ESRRB: variants seen among roughly 807,000 people sequenced by gnomAD.
ESRRB encodes steroid hormone receptor ERR2.
Under a neutral mutation model 46.0 loss-of-function variants are expected in ESRRB, and 16 were observed. The observed-to-expected ratio is 0.35, with a 90% CI of 0.24 to 0.53. ESRRB has a LOEUF of 0.53. ESRRB is among the 20% of genes least tolerant of loss of function. ESRRB has a pLI of 0.93. For missense variants in ESRRB, 488 were observed against 607.4 expected (o/e 0.80, Z 2.07); for synonymous variants, 246 against 259.6 (o/e 0.95, Z 0.50).
At chr14:76,441,832 C>A (rs1399888291) in intron 2 of ESRRB, among the ~76,000 whole-genome samples, 3 of 152,212 alleles carry the variant, frequency 2.0e-5, no homozygotes, top group Non-Finnish European at 4.4e-5. Context: ...CCAGGAACCA[C>A]CCATCCTGCC....
chr14:76,446,940 T>G (rs1888171614), intron 2 of ESRRB, among the ~76,000 whole-genome samples: 2 of 152,170 alleles, frequency 1.3e-5, no homozygotes, highest in African/African-American at 4.8e-5. Flanking sequence ...AAAACCTTTG[T>G]AATAACCTTG....
At chr14:76,315,535 T>TG (rs1441538737) in intron 1 of ESRRB, among the ~76,000 whole-genome samples, 2 of 152,102 alleles carry the variant, frequency 1.3e-5, no homozygotes, top group African/African-American at 4.8e-5. Flanking sequence ...ATCTGCAAAA[T>TG]GGGGATAACA....
intron 1 of ESRRB, chr14:76,407,433 C>T: frequency 5.5e-6 from 3 of 547,408 alleles, no homozygotes; most frequent in Non-Finnish European, 4.6e-6. Context: ...GAAGAGCCTG[C>T]ATCGAGCAGA....
At chr14:76,348,349 C>A (rs1884273728) in intron 1 of ESRRB, among the ~76,000 whole-genome samples, 1 of 152,172 alleles carries the variant, frequency 6.6e-6, no homozygotes. Context: ...GCTGTACTTA[C>A]AGGACAACAG....
chr14:76,365,547 G>C (rs561628504), intron 1 of ESRRB, among the ~76,000 whole-genome samples: 2 of 152,320 alleles, frequency 1.3e-5, no homozygotes, highest in South Asian at 4.1e-4. Flanking sequence ...GGGGTATGTA[G>C]TACTTCAGGG....
chr14:76,382,119 C>T (rs1885039018), intron 1 of ESRRB, among the ~76,000 whole-genome samples: 1 of 152,174 alleles, frequency 6.6e-6, no homozygotes, highest in Non-Finnish European at 1.5e-5. Context: ...AAGCCGTGTC[C>T]ACCCCAAGAG....
chr14:76,446,085 C>A (rs1410498124), intron 2 of ESRRB, among the ~76,000 whole-genome samples: 1 of 152,200 alleles, frequency 6.6e-6, no homozygotes, highest in Non-Finnish European at 1.5e-5. Flanking sequence ...TGTAAGCCAG[C>A]CACCCTTGGT....
chr14:76,395,232 T>C (rs1050850297), intron 1 of ESRRB, among the ~76,000 whole-genome samples: 1 of 152,192 alleles, frequency 6.6e-6, no homozygotes, highest in Non-Finnish European at 1.5e-5. Context: ...CATAGAAATA[T>C]GAATGCATCG....
chr14:76,416,486 T>C (rs1375439904), intron 1 of ESRRB, among the ~76,000 whole-genome samples: 1 of 152,058 alleles, frequency 6.6e-6, no homozygotes, highest in East Asian at 1.9e-4. Context: ...TCTCTTTTTT[T>C]GAGATGGAGT....
intron 1 of ESRRB, among the ~76,000 whole-genome samples, chr14:76,423,914 A>G (rs1887085843): frequency 1.3e-5 from 2 of 152,042 alleles, no homozygotes; most frequent in African/African-American, 4.8e-5. Context: ...AGGAGATAGC[A>G]TGACAGAGGT....
rs1189413758 is a variant in ESRRB at position 76,469,935 on chromosome 14, TTTTTTTTTC to T, written c.577+7283_577+7291del. Among the ~76,000 whole-genome samples the T allele has an allele frequency of 8.7e-4, 112 of 129,204 alleles. 4 individuals are homozygous for T. Among genetic ancestry groups the T allele is most frequent in the Middle Eastern group, 4.1e-3 (1 of 246 alleles). 84.8% of individuals were successfully genotyped at this position (129,204 alleles called of 152,430 possible). ...CTAGGCTGTGTTTTTTGTTGTTTTT[TTTTTTTTTC>T]TTTTTTTTTTTTTTTTTTTTTGAGA... On this transcript the variant is annotated intron_variant, in intron 3 of 6. Coordinates refer to ENST00000644823, the MANE Select transcript of ESRRB (RefSeq NM_001379180.1).
intron 5 of ESRRB, among the ~76,000 whole-genome samples, chr14:76,489,615 A>G (rs1427997460): frequency 1.3e-5 from 2 of 152,122 alleles, no homozygotes; most frequent in African/African-American, 2.4e-5. Context: ...CTGAGGCCCA[A>G]GTTGTATAGA....
At chr14:76,464,412 A>G (rs1000860574) in intron 3 of ESRRB, among the ~76,000 whole-genome samples, 3 of 152,124 alleles carry the variant, frequency 2.0e-5, no homozygotes, top group Admixed American at 2.0e-4. Context: ...TGGACCTTCC[A>G]CTTCCGTTTA....
At position 76,393,055 on chromosome 14, in the gene ESRRB, C is replaced by T. The variant is rs146140443; in HGVS notation, c.50+16604C>T. Among the ~76,000 whole-genome samples, 116 of 152,310 alleles carry T rather than the reference C, an allele frequency of 7.6e-4. 1 individual carries two copies. Among genetic ancestry groups the T allele is most frequent in the East Asian group, 6.0e-3 (31 of 5,170 alleles). ...CCTGTGCAAAGCCTTTGGGGCATAGCGGATCTGGGGCATAGCAGAGAAGGA... is the reference window on the plus strand; with the variant it reads ...CCTGTGCAAAGCCTTTGGGGCATAGTGGATCTGGGGCATAGCAGAGAAGGA... On this transcript the variant is annotated intron_variant, in intron 1 of 6. Coordinates refer to ENST00000644823, the MANE Select transcript of ESRRB (RefSeq NM_001379180.1).
chr14:76,466,930 G>A (rs1216038300), intron 3 of ESRRB, among the ~76,000 whole-genome samples: 1 of 151,908 alleles, frequency 6.6e-6, no homozygotes, highest in Non-Finnish European at 1.5e-5. Flanking sequence ...CACCATGTTG[G>A]CCAGGATGGT....
chr14:76,422,131 G>A (rs543665269), intron 1 of ESRRB, among the ~76,000 whole-genome samples: 2 of 151,924 alleles, frequency 1.3e-5, no homozygotes, highest in East Asian at 3.9e-4. Context: ...CAAGGAGCCT[G>A]GGAGTGACCC....
At chr14:76,407,284 G>A (rs1033124447) in intron 1 of ESRRB, 2 of 152,386 alleles carry the variant, frequency 1.3e-5, no homozygotes, top group South Asian at 2.1e-4. Context: ...CCTATGCTGG[G>A]AGGAGACTTT....
chr14:76,372,098 G>T (rs572011592), upstream of ESRRB, among the ~76,000 whole-genome samples: 23 of 152,280 alleles, frequency 1.5e-4, no homozygotes, highest in African/African-American at 5.5e-4. Flanking sequence ...TGACGAGACT[G>T]CTCTAGTGAC....
At position 76,398,977 on chromosome 14, in the gene ESRRB, A is replaced by AG. The variant is rs35829393; in HGVS notation, c.50+22530dup. Among the ~76,000 whole-genome samples the AG allele has an allele frequency of 4.0e-3, 609 of 152,236 alleles. 4 individuals carry two copies. The highest frequency in any genetic ancestry group is 0.014 in the African/African-American group (588 of 41,548). ...AAGGATGCAGTTGCATAGGTGGGTT[A>AG]GGGGTTTTTTAAATCCTCATTTTCC... On this transcript the variant is annotated intron_variant, in intron 1 of 6. Coordinates refer to ENST00000644823, the MANE Select transcript of ESRRB (RefSeq NM_001379180.1).
Sources: allele counts gnomAD v4.1 joint callset (sites outside exome capture counted in the v4.1 genomes callset), GRCh38; gene constraint gnomAD v4.1.1; transcripts MANE v1.5; gene names NCBI Gene and HGNC (gene_info 2026-07-23, HGNC 2026-07-21).